Variants in NFIB observed in about 807,000 individuals in gnomAD.
The protein encoded by NFIB is nuclear factor 1 B-type.
NFIB carries 11 observed loss-of-function variants against 61.5 expected under a neutral mutation model. That is an observed-to-expected ratio of 0.18 (90% CI 0.11 to 0.30). The LOEUF is 0.30. Among genes scored for constraint, NFIB ranks in the 10% least tolerant of loss-of-function variants. The pLI, the probability that NFIB is intolerant of heterozygous loss-of-function variation, is 1.00. For missense variants in NFIB, 471 were observed against 608.9 expected (o/e 0.77, Z 2.38); for synonymous variants, 260 against 216.5 (o/e 1.20, Z -1.76).
the NFIB span, among the ~76,000 whole-genome samples, chr9:14,509,280 T>C: frequency 7.0e-4 from 106 of 152,300 alleles, no homozygotes; most frequent in East Asian, 0.02. Context: ...TAGGCATCTT[T>C]GTCATTGGCC....
the NFIB span, among the ~76,000 whole-genome samples, chr9:14,528,976 T>G: frequency 8.2e-4 from 125 of 152,278 alleles, no homozygotes; most frequent in African/African-American, 2.9e-3. Context: ...TTTAAACTGC[T>G]TACGCGATTT....
intron 6 of NFIB, among the ~76,000 whole-genome samples, chr9:14,134,741 A>T (rs1434543483): frequency 6.6e-6 from 1 of 151,946 alleles, no homozygotes; most frequent in Non-Finnish European, 1.5e-5. Context: ...TACTAAAACT[A>T]CAAAAATTAG....
At chr9:14,129,351 T>C (rs1586888407) in intron 6 of NFIB, among the ~76,000 whole-genome samples, 1 of 111,118 alleles carries the variant, frequency 9.0e-6, no homozygotes, top group Non-Finnish European at 1.8e-5. Context: ...GGCACTATGC[T>C]AAGAACTTAG....
At chr9:14,392,558 T>C (rs1218946079) in intron 1 of NFIB, among the ~76,000 whole-genome samples, 1 of 152,098 alleles carries the variant, frequency 6.6e-6, no homozygotes, top group East Asian at 1.9e-4. Context: ...TGAAACCCTA[T>C]CTCTACAAAA....
At chr9:14,416,574 GAA>G in the NFIB span, among the ~76,000 whole-genome samples, 2 of 151,390 alleles carry the variant, frequency 1.3e-5, no homozygotes, top group East Asian at 3.9e-4. Flanking sequence ...ATAATATAAA[GAA>G]AAAATTTTTT....
chr9:14,520,084 G>C, the NFIB span, among the ~76,000 whole-genome samples: 1 of 151,642 alleles, frequency 6.6e-6, no homozygotes. Context: ...ATTCACATGA[G>C]GATATGTGAG....
At chr9:14,293,484 G>T (rs576944697) in intron 2 of NFIB, among the ~76,000 whole-genome samples, 1 of 152,292 alleles carries the variant, frequency 6.6e-6, no homozygotes, top group East Asian at 1.9e-4. Context: ...AGAAGCCCAT[G>T]GTGAGGAGGA....
chr9:14,100,964 TAA>T (rs2035692442), intron 10 of NFIB, among the ~76,000 whole-genome samples: 1 of 152,164 alleles, frequency 6.6e-6, no homozygotes, highest in Non-Finnish European at 1.5e-5. Context: ...GCATGAAATA[TAA>T]GAGAGTTATT....
At chr9:14,108,922 A>G (rs1474378170) in intron 10 of NFIB, among the ~76,000 whole-genome samples, 1 of 152,076 alleles carries the variant, frequency 6.6e-6, no homozygotes, top group Non-Finnish European at 1.5e-5. Flanking sequence ...GAAGCTTCTT[A>G]GCTGCAAACT....
chr9:14,212,839 A>G (rs183595696), intron 2 of NFIB, among the ~76,000 whole-genome samples: 1 of 152,350 alleles, frequency 6.6e-6, no homozygotes, highest in East Asian at 1.9e-4. Flanking sequence ...AGATATTACT[A>G]TCCCCATTTC....
At chr9:14,322,694 G>A (rs2060692014) in intron 1 of NFIB, among the ~76,000 whole-genome samples, 1 of 151,812 alleles carries the variant, frequency 6.6e-6, no homozygotes, top group Non-Finnish European at 1.5e-5. Context: ...GCGCCGCGAT[G>A]CATATTCATC....
chr9:14,102,527 A>G (rs2035930922), intron 10 of NFIB: 1 of 1,549,276 alleles, frequency 6.5e-7, no homozygotes, highest in Admixed American at 2.0e-5. Context: ...ATTGAAACCT[A>G]GCAGTCAGAT....
At chr9:14,347,262 C>G (rs894560739) in intron 1 of NFIB, 2 of 152,176 alleles carry the variant, frequency 1.3e-5, no homozygotes, top group Admixed American at 6.5e-5. Flanking sequence ...CGGGAACGGT[C>G]GAGGCACTGA....
At chr9:14,213,306 T>C (rs1020569839) in intron 2 of NFIB, among the ~76,000 whole-genome samples, 1 of 147,392 alleles carries the variant, frequency 6.8e-6, no homozygotes, top group South Asian at 2.1e-4. Flanking sequence ...AGGTTGATCT[T>C]TGGAAAGTTA....
At chr9:14,461,372 C>T in the NFIB span, among the ~76,000 whole-genome samples, 1 of 152,212 alleles carries the variant, frequency 6.6e-6, no homozygotes, top group African/African-American at 2.4e-5. Flanking sequence ...GTAAACAGGA[C>T]TTGGTGATAG....
chr9:14,388,612 T>C (rs1041817781), intron 1 of NFIB, among the ~76,000 whole-genome samples: 7 of 152,082 alleles, frequency 4.6e-5, no homozygotes, highest in Non-Finnish European at 7.3e-5. Context: ...AAAGTCTATA[T>C]ACCTACATAG....
intron 2 of NFIB, among the ~76,000 whole-genome samples, chr9:14,286,330 A>G (rs2058707292): frequency 1.3e-5 from 2 of 152,214 alleles, no homozygotes; most frequent in South Asian, 2.1e-4. Context: ...GGAGCAGCGC[A>G]GAGTCCAGAA....
chr9:14,138,897 TG>T (rs1313428585), intron 6 of NFIB, among the ~76,000 whole-genome samples: 1 of 151,948 alleles, frequency 6.6e-6, no homozygotes, highest in African/African-American at 2.4e-5. Context: ...GATTTATGTG[TG>T]TGTGTGTGTG....
At chr9:14,392,579 T>G (rs2061637122) in intron 1 of NFIB, among the ~76,000 whole-genome samples, 1 of 151,958 alleles carries the variant, frequency 6.6e-6, no homozygotes, top group Non-Finnish European at 1.5e-5. Flanking sequence ...AGTACAAAAA[T>G]TATTCAGGTG....
Sources: gnomAD v4.1 joint callset for allele counts (sites outside exome capture counted in the v4.1 genomes callset) on GRCh38, gnomAD v4.1.1 for gene constraint, MANE v1.5 for transcripts, NCBI Gene and HGNC (gene_info 2026-07-23, HGNC 2026-07-21) for gene names.